Variants in GRID2 observed in about 807,000 individuals in gnomAD.
The protein encoded by GRID2 is glutamate ionotropic receptor delta type subunit 2.
A neutral mutation model predicts 114.8 loss-of-function variants in GRID2; 33 were observed. That is an observed-to-expected ratio of 0.29 (90% CI 0.22 to 0.38). The LOEUF (loss-of-function observed/expected upper bound fraction) is 0.38, where lower values mean the gene tolerates loss of function less well. Ranked by LOEUF, GRID2 falls within the 10% of genes least tolerant of loss-of-function variation. The pLI is 1.00. For missense variants in GRID2, 1,184 were observed against 1,257.7 expected (o/e 0.94, Z 0.89); for synonymous variants, 505 against 449.9 (o/e 1.12, Z -1.55).
intron 2 of GRID2, among the ~76,000 whole-genome samples, chr4:92,863,383 C>A (rs1296471431): frequency 6.6e-6 from 1 of 152,118 alleles, no homozygotes; most frequent in Non-Finnish European, 1.5e-5. Context: ...ATTCACACCA[C>A]CGACTCCTCC....
intron 2 of GRID2, among the ~76,000 whole-genome samples, chr4:93,048,394 C>T (rs1726367864): frequency 6.6e-6 from 1 of 151,854 alleles, no homozygotes; most frequent in Admixed American, 6.6e-5. Flanking sequence ...TCCTAGTCTG[C>T]CTGGAGAGTC....
intron 2 of GRID2, among the ~76,000 whole-genome samples, chr4:93,017,530 A>G (rs1722864505): frequency 6.6e-6 from 1 of 152,016 alleles, no homozygotes. Context: ...CTATATATAT[A>G]TGGCCACGCG....
chr4:92,603,779 C>A (rs934538401), intron 2 of GRID2, among the ~76,000 whole-genome samples: 1 of 151,972 alleles, frequency 6.6e-6, no homozygotes, highest in African/African-American at 2.4e-5. Flanking sequence ...TTTTCACAAT[C>A]TATCCACCTG....
At chr4:92,787,249 G>A (rs1353989553) in intron 2 of GRID2, among the ~76,000 whole-genome samples, 1 of 151,806 alleles carries the variant, frequency 6.6e-6, no homozygotes, top group Non-Finnish European at 1.5e-5. Context: ...CTAACTGATA[G>A]AATCAGATGA....
intron 13 of GRID2, among the ~76,000 whole-genome samples, chr4:93,622,845 A>G (rs1485262032): frequency 1.3e-5 from 2 of 152,118 alleles, no homozygotes; most frequent in Admixed American, 6.5e-5. Flanking sequence ...TATTTCTTCT[A>G]TATTTGCTTC....
chr4:92,477,452 C>T (rs959561419), intron 1 of GRID2, among the ~76,000 whole-genome samples: 1 of 151,932 alleles, frequency 6.6e-6, no homozygotes, highest in Non-Finnish European at 1.5e-5. Context: ...GTTTTCCAAA[C>T]ACTGTTTCAG....
chr4:92,900,298 T>G (rs1369292186), intron 2 of GRID2, among the ~76,000 whole-genome samples: 1 of 152,046 alleles, frequency 6.6e-6, no homozygotes, highest in Non-Finnish European at 1.5e-5. Flanking sequence ...GGGGTACGAG[T>G]GCAGTTTTGT....
intron 4 of GRID2, among the ~76,000 whole-genome samples, chr4:93,163,199 T>G (rs1737851367): frequency 6.6e-6 from 1 of 151,466 alleles, no homozygotes; most frequent in South Asian, 2.1e-4. Context: ...CATATACAAA[T>G]TATATGTGTA....
intron 1 of GRID2, among the ~76,000 whole-genome samples, chr4:92,540,885 G>A (rs13125051): frequency 2.0e-5 from 3 of 150,974 alleles, no homozygotes; most frequent in East Asian, 1.9e-4. Context: ...AAAGACTTGT[G>A]ACCAACCCAA....
downstream of GRID2, among the ~76,000 whole-genome samples, chr4:93,779,290 C>T (rs1350188596): frequency 6.6e-6 from 1 of 151,278 alleles, no homozygotes; most frequent in African/African-American, 2.4e-5. Flanking sequence ...AATACAATCA[C>T]ATAAGATCAA....
chr4:93,421,846 CAA>C (rs11292676), intron 9 of GRID2, among the ~76,000 whole-genome samples: 22 of 113,304 alleles, frequency 1.9e-4, no homozygotes, highest in African/African-American at 4.1e-4. Context: ...AAAAATCATT[CAA>C]AAAAAAAAAA....
intron 10 of GRID2, among the ~76,000 whole-genome samples, chr4:93,432,546 G>A (rs1471959122): frequency 2.0e-5 from 3 of 152,242 alleles, no homozygotes; most frequent in Admixed American, 6.5e-5. Flanking sequence ...GTTCATGGCA[G>A]AGTGTTAGAG....
intron 2 of GRID2, among the ~76,000 whole-genome samples, chr4:92,867,857 G>T (rs1744985329): frequency 6.6e-6 from 1 of 152,100 alleles, no homozygotes; most frequent in African/African-American, 2.4e-5. Flanking sequence ...TAAAATGTTA[G>T]TCATTAGAAT....
chr4:92,855,975 A>G (rs531874075), intron 2 of GRID2, among the ~76,000 whole-genome samples: 65 of 152,198 alleles, frequency 4.3e-4, no homozygotes, highest in African/African-American at 1.5e-3. Context: ...TCCACTTGAA[A>G]TATATTTACA....
intron 4 of GRID2, among the ~76,000 whole-genome samples, chr4:93,163,114 G>A (rs1448980289): frequency 6.6e-6 from 1 of 151,596 alleles, no homozygotes; most frequent in Non-Finnish European, 1.5e-5. Flanking sequence ...TTCAGGTTGT[G>A]TGTATACATT....
At chr4:93,128,086 C>T (rs1038872794) in intron 4 of GRID2, among the ~76,000 whole-genome samples, 2 of 114,656 alleles carry the variant, frequency 1.7e-5, no homozygotes, top group Non-Finnish European at 1.8e-5. Context: ...ATTGGTTTTA[C>T]AGCTCTACAG....
At chr4:92,436,289 G>A (rs1333325426) in intron 1 of GRID2, among the ~76,000 whole-genome samples, 1 of 152,022 alleles carries the variant, frequency 6.6e-6, no homozygotes, top group Non-Finnish European at 1.5e-5. Flanking sequence ...AACACTAAAT[G>A]TTGACCTTAC....
At chr4:93,036,304 A>G (rs1724926895) in intron 2 of GRID2, among the ~76,000 whole-genome samples, 1 of 152,136 alleles carries the variant, frequency 6.6e-6, no homozygotes, top group South Asian at 2.1e-4. Context: ...CAACTTATAT[A>G]GTATTAAAAA....
chr4:93,178,974 C>T (rs772168251), intron 4 of GRID2, among the ~76,000 whole-genome samples: 13 of 151,960 alleles, frequency 8.6e-5, no homozygotes, highest in Non-Finnish European at 1.9e-4. Flanking sequence ...AGATTTCTGG[C>T]TCTTTTATTT....
Sources: gnomAD v4.1 joint callset for allele counts (sites outside exome capture counted in the v4.1 genomes callset) on GRCh38, gnomAD v4.1.1 for gene constraint, MANE v1.5 for transcripts, NCBI Gene and HGNC (gene_info 2026-07-23, HGNC 2026-07-21) for gene names.